ARHGDIA: variants seen among roughly 807,000 people sequenced by gnomAD.
The protein encoded by ARHGDIA is Rho GDP dissociation inhibitor alpha.
A neutral mutation model predicts 25.0 loss-of-function variants in ARHGDIA; 9 were observed. That is an observed-to-expected ratio of 0.36 (90% CI 0.22 to 0.63). The LOEUF is 0.63. ARHGDIA is among the 20% of genes least tolerant of loss of function. The pLI is 0.69. For missense variants in ARHGDIA, 239 were observed against 264.3 expected (o/e 0.90, Z 0.66); for synonymous variants, 166 against 111.5 (o/e 1.49, Z -3.08).
At position 81,869,333 on chromosome 17, in the gene ARHGDIA, G is replaced by A; in HGVS notation, c.348C>T (p.Phe116=). ...GCCACAGCAGCCTGTAGCTTACCCG[G>A]AAAGAGATTTTTATCCGGTACTCCA... ...EGVEYRIKIS[F]RVNREIVSGM... Residue 116 remains phenylalanine (F), a synonymous_variant, in exon 4 of 6, where the codon TTC becomes TTT. Transcript: ENST00000269321. 1 of 1,614,072 alleles carries A rather than the reference G, an allele frequency of 6.2e-7. No individual in the cohort carries two copies. Among genetic ancestry groups the A allele is most frequent in the Middle Eastern group, 1.6e-4 (1 of 6,062 alleles).
intron 1 of ARHGDIA, chr17:81,870,230 C>A: frequency 2.4e-6 from 1 of 419,232 alleles, no homozygotes; most frequent in Non-Finnish European, 4.4e-6. Flanking sequence ...GGCAGCAGCC[C>A]CCTGTATGTG....
At chr17:81,869,143 C>T in intron 5 of ARHGDIA, 30 bp downstream of exon 5, 2 of 1,612,924 alleles carry the variant, frequency 1.2e-6, no homozygotes, top group African/African-American at 1.3e-5. Flanking sequence ...CCCAAGCGGC[C>T]CCCTCTGCCC....
At chr17:81,870,822 G>A (rs1477964127) in intron 1 of ARHGDIA, 1 of 151,952 alleles carries the variant, frequency 6.6e-6, no homozygotes, top group Non-Finnish European at 1.5e-5. Context: ...ACTTCCGCAG[G>A]GCCCGCAATC....
At chr17:81,869,506 G>A (rs2039203256) in intron 3 of ARHGDIA, 36 bp downstream of exon 3, 5 of 1,607,594 alleles carry the variant, frequency 3.1e-6, no homozygotes, top group Middle Eastern at 1.7e-4. Flanking sequence ...TCCCCACCAG[G>A]GGCCGCCCGG....
At position 81,868,752 on chromosome 17, in the gene ARHGDIA, C is replaced by T. The variant is rs1464741322; in HGVS notation, c.*124G>A. 2 of 1,539,050 alleles carry T rather than the reference C, an allele frequency of 1.3e-6. No individual in the cohort carries two copies. Among genetic ancestry groups the T allele is most frequent in the African/African-American group, 2.7e-5 (2 of 72,906 alleles). ...GGTTGAGCCAGGCCAGGGAGGCGGA[C>T]CAGGGTGGGAGGGGCACGGAGGGCC... On this transcript the variant is annotated 3_prime_UTR_variant, in exon 6 of 6. Coordinates refer to ENST00000269321, the MANE Select transcript of ARHGDIA (RefSeq NM_004309.6).
In ARHGDIA at chr17:81,868,382, G is replaced by C. The variant is rs1439493395; in HGVS notation, c.*494C>G. 1 of 1,444,070 alleles carries C rather than the reference G, an allele frequency of 6.9e-7. No individual in the cohort carries two copies. Among genetic ancestry groups the C allele is most frequent in the Non-Finnish European group, 9.1e-7 (1 of 1,102,870 alleles). The allele number at this position is 1,444,070 out of a possible 1,614,324, so 89.5% of individuals were successfully genotyped here. On this transcript the variant is annotated 3_prime_UTR_variant, in exon 6 of 6. Transcript: ENST00000269321. The stretch of plus-strand genomic sequence containing the variant: ...TCCACATGTTAAGGCATCATGGTTA[G>C]ACGGGACCGACAGCGACAAGGGGGC...
In ARHGDIA at chr17:81,868,617, G is replaced by C; in HGVS notation, c.*259C>G. 1 of 1,535,532 alleles carries C rather than the reference G, an allele frequency of 6.5e-7. No homozygotes were observed. The highest frequency in any genetic ancestry group is 8.7e-7 in the Non-Finnish European group (1 of 1,146,756). ...GCACAGAAAGGGCAGCAGAGGCCTG[G>C]CTGCGGCCTCTCTCCCCCACAGCAC... On this transcript the variant is annotated 3_prime_UTR_variant, in exon 6 of 6. Coordinates refer to ENST00000269321, the MANE Select transcript of ARHGDIA (RefSeq NM_004309.6).
Position 81,869,354 on chromosome 17 carries a change from CT to C in ARHGDIA, c.326del (p.Glu109GlyfsTer4). 6.2e-7 allele frequency: 1 copy of C among 1,614,116 alleles called. No individual in the cohort carries two copies. Among genetic ancestry groups the C allele is most frequent in the Non-Finnish European group, 8.5e-7 (1 of 1,179,982 alleles). ...CCCGGAAAGAGATTTTTATCCGGTA[CT>C]CCACACCCTCCTTCAGCACAAACGA... ...KQSFVLKEGV[E>X]YRIKISFRVN... On this transcript the variant is annotated frameshift_variant, in exon 4 of 6. Coordinates refer to ENST00000269321, the MANE Select transcript of ARHGDIA (RefSeq NM_004309.6). LOFTEE classifies it high-confidence loss of function.
chr17:81,870,434 A>G (rs1225642683), intron 1 of ARHGDIA, among the ~76,000 whole-genome samples: 1 of 152,164 alleles, frequency 6.6e-6, no homozygotes, highest in African/African-American at 2.4e-5. Flanking sequence ...GTCATCTTTC[A>G]AACAGGATGC....
rs139322823 is a variant in ARHGDIA, at chr17:81,869,826, G to T, written c.105C>A (p.Ile35=). ...VNYKPPAQKS[I]QEIQELDKDD... ...CCTTGTCCAGCTCCTGGATCTCCTGGATGCTCTTCTGGGCCGGGGGCTTGT... is the reference window on the plus strand; with the variant it reads ...CCTTGTCCAGCTCCTGGATCTCCTGTATGCTCTTCTGGGCCGGGGGCTTGT... Residue 35 remains isoleucine, a synonymous_variant, in exon 2 of 6, where the codon ATC becomes ATA. Transcript: ENST00000269321. 56 of 1,614,128 alleles carry T rather than the reference G, an allele frequency of 3.5e-5. No individual in the cohort carries two copies. In the African/African-American group the frequency reaches 7.2e-4, roughly 21 times the overall value.
chr17:81,869,471 G>GAAGCCCCA, intron 3 of ARHGDIA, 65 bp from the exon 4 acceptor site: 2 of 1,610,576 alleles, frequency 1.2e-6, no homozygotes, highest in Admixed American at 1.7e-5. Context: ...AGCCCTGCGC[G>GAAGCCCCA]GCCCCCTGGC....
rs2039081903 is a variant in ARHGDIA at position 81,867,767 on chromosome 17, G to A, written c.*1109C>T. On this transcript the variant is annotated 3_prime_UTR_variant, in exon 6 of 6. Coordinates refer to ENST00000269321, the MANE Select transcript of ARHGDIA (RefSeq NM_004309.6). ...CCGGTCAGAAAAGAAGCAGGGACAG[G>A]CGCCTCTGCCTGAGCCTGGCAGACA... The A allele has an allele frequency of 6.6e-6, 1 of 152,626 alleles. No homozygotes were observed. Among genetic ancestry groups the A allele is most frequent in the Non-Finnish European group, 1.5e-5 (1 of 68,196 alleles). The allele number at this position is 152,626 out of a possible 1,614,324, so 9.5% of individuals were successfully genotyped here.
In ARHGDIA at chr17:81,868,774, G is replaced by A. The variant is rs768717665; in HGVS notation, c.*102C>T. ...GGACCAGGGTGGGAGGGGCACGGAG[G>A]GCCTGTCAGCACTTTGGTATGGGGA... On this transcript the variant is annotated 3_prime_UTR_variant, in exon 6 of 6. Coordinates refer to ENST00000269321, the MANE Select transcript of ARHGDIA (RefSeq NM_004309.6). The A allele has an allele frequency of 3.2e-6, 5 of 1,555,952 alleles. No individual in the cohort carries two copies. The highest frequency in any genetic ancestry group is 2.4e-5 in the East Asian group (1 of 42,162).
At position 81,869,562 on chromosome 17, in the gene ARHGDIA, G is replaced by A. The variant is rs1311357807; in HGVS notation, c.254C>T (p.Pro85Leu). Residue 85 changes from proline to leucine, a missense_variant, in exon 3 of 6, where the codon CCC becomes CTC. Pro to Leu is a moderately conservative substitution (Grantham distance 98). Transcript: ENST00000269321. ...LTLVCSSAPG[P>L]LELDLTGDLE... is the part of the protein sequence containing the mutation. ...CTCACCCGTCAGGTCCAGCTCCAGGGGGCCCGGGGCCGAGCTGCACACCAG... is the reference window on the plus strand; with the variant it reads ...CTCACCCGTCAGGTCCAGCTCCAGGAGGCCCGGGGCCGAGCTGCACACCAG... 2 of 1,553,344 alleles carry A rather than the reference G, an allele frequency of 1.3e-6. No homozygotes were observed. Among genetic ancestry groups the A allele is most frequent in the East Asian group, 2.3e-5 (1 of 43,812 alleles).
rs578069979 is a variant in ARHGDIA, at chr17:81,868,436, G to T, written c.*440C>A. 2.7e-6 allele frequency: 4 copies of T among 1,465,046 alleles called. No individual in the cohort carries two copies. Among genetic ancestry groups the T allele is most frequent in the Non-Finnish European group, 3.6e-6 (4 of 1,111,788 alleles). The allele number at this position is 1,465,046 out of a possible 1,614,324, so 90.8% of individuals were successfully genotyped here. On this transcript the variant is annotated 3_prime_UTR_variant, in exon 6 of 6. Coordinates refer to ENST00000269321, the MANE Select transcript of ARHGDIA (RefSeq NM_004309.6). ...CCAGGGAGCAGCGGGGCTGGAGGACGGCCCGGCCCCCACGAGGCCGTGCAT... is the reference window on the plus strand; with the variant it reads ...CCAGGGAGCAGCGGGGCTGGAGGACTGCCCGGCCCCCACGAGGCCGTGCAT...
chr17:81,869,771 C>A lies in ARHGDIA; in HGVS notation c.160G>T (p.Ala54Ser), dbSNP rs373266047. Reference sequence around the variant, plus strand: ...GAAACGGCCACGCGGCCCAGCAGGGCCTCCTTGTACTTTCGCAGGCTCTCG... The same window carrying A: ...GAAACGGCCACGCGGCCCAGCAGGGACTCCTTGTACTTTCGCAGGCTCTCG... The part of the protein sequence containing the change: ...DDESLRKYKE[A>S]LLGRVAVSAD... The change falls in exon 2 of 6, where the codon GCC (alanine) becomes TCC (serine). Residue 54 changes from alanine (A) to serine (S), a missense_variant. Ala to Ser is a moderately conservative substitution (Grantham distance 99, BLOSUM62 1). Transcript: ENST00000269321. 5 of 1,613,720 alleles carry A rather than the reference C, an allele frequency of 3.1e-6. No individual in the cohort carries two copies. In the African/African-American group the frequency reaches 6.7e-5, roughly 22 times the overall value.
Position 81,868,091 on chromosome 17 carries a change from CAGAGGCA to C in ARHGDIA, c.*778_*784del. 1 of 362,028 alleles carries C rather than the reference CAGAGGCA, an allele frequency of 2.8e-6. No homozygotes were observed. Among genetic ancestry groups the C allele is most frequent in the Non-Finnish European group, 5.0e-6 (1 of 200,394 alleles). 22.4% of individuals were successfully genotyped at this position (362,028 alleles called of 1,614,324 possible). ...GCACTGCCCGCTGAGACAGAAAAGGCAGAGGCAGGACAATACCCAGCCTCCTGGATGG... is the reference window on the plus strand; with the variant it reads ...GCACTGCCCGCTGAGACAGAAAAGGCGGACAATACCCAGCCTCCTGGATGG... On this transcript the variant is annotated 3_prime_UTR_variant, in exon 6 of 6. Transcript: ENST00000269321.
chr17:81,868,840 C>T lies in ARHGDIA; in HGVS notation c.*36G>A, dbSNP rs571770530. The T allele has an allele frequency of 2.5e-5, 40 of 1,612,912 alleles. No individual in the cohort carries two copies. Among genetic ancestry groups the T allele is most frequent in the Middle Eastern group, 3.3e-4 (2 of 6,062 alleles). On this transcript the variant is annotated 3_prime_UTR_variant, in exon 6 of 6. Coordinates refer to ENST00000269321, the MANE Select transcript of ARHGDIA (RefSeq NM_004309.6). ...GGGACACATCCGCCTGTCCGTCGTC[C>T]GTCCGTCAGTCTGCCCTGCCCGCCT...
intron 3 of ARHGDIA, 67 bp downstream of exon 3, chr17:81,869,475 C>T (rs990337929): frequency 3.7e-6 from 6 of 1,610,672 alleles, no homozygotes; most frequent in East Asian, 2.2e-5. Flanking sequence ...CTGCGCGGCC[C>T]CCTGGCTGCA....
Sources: allele counts gnomAD v4.1 joint callset (sites outside exome capture counted in the v4.1 genomes callset), GRCh38; gene constraint gnomAD v4.1.1; transcripts MANE v1.5; gene names NCBI Gene and HGNC (gene_info 2026-07-23, HGNC 2026-07-21).